ARHGAP10: variants seen among roughly 807,000 people sequenced by gnomAD.
ARHGAP10 encodes Rho GTPase activating protein 10, also known as rho GTPase-activating protein 10.
In ARHGAP10, 87 loss-of-function variants were observed where a neutral mutation model predicts 108.6. That is an observed-to-expected ratio of 0.80 (90% CI 0.67 to 0.96). The LOEUF (loss-of-function observed/expected upper bound fraction) is 0.96, where lower values mean the gene tolerates loss of function less well. Ranked by LOEUF, ARHGAP10 falls within the 40% of genes least tolerant of loss-of-function variation. The pLI, the probability that ARHGAP10 is intolerant of heterozygous loss-of-function variation, is 0.00. For synonymous variants in ARHGAP10, 347 were observed against 341.1 expected (o/e 1.02, Z -0.19); for missense variants, 939 against 954.5 (o/e 0.98, Z 0.21).
At chr4:147,944,830 C>A (rs1738309402) in intron 14 of ARHGAP10, among the ~76,000 whole-genome samples, 2 of 152,106 alleles carry the variant, frequency 1.3e-5, no homozygotes. Flanking sequence ...GGCTCAATAT[C>A]ATTCGTCGTA....
At chr4:147,960,033 A>T (rs1034650127) in intron 16 of ARHGAP10, among the ~76,000 whole-genome samples, 1 of 152,140 alleles carries the variant, frequency 6.6e-6, no homozygotes, top group Admixed American at 6.5e-5. Context: ...TGGAATTTCT[A>T]CTATTTTGCA....
At chr4:147,947,630 T>G (rs1738437866) in intron 15 of ARHGAP10, among the ~76,000 whole-genome samples, 1 of 151,788 alleles carries the variant, frequency 6.6e-6, no homozygotes, top group Non-Finnish European at 1.5e-5. Context: ...CTCAAACTCC[T>G]GACCTCAAGT....
chr4:147,952,845 G>T (rs1738656267), intron 15 of ARHGAP10, among the ~76,000 whole-genome samples: 1 of 151,906 alleles, frequency 6.6e-6, no homozygotes, highest in African/African-American at 2.4e-5. Flanking sequence ...GGTCACAAAG[G>T]TTTTCTTTTT....
rs59663731 is a variant in ARHGAP10, at chr4:147,912,548, AATATATATATATATATATATATATATAT to A, written c.1163-502_1163-475del. ...AAAACAAAAAACAAACAAACAAACAAATATATATATATATATATATATATATATATATATATATATATATATATATAAA... is the reference window on the plus strand; with the variant it reads ...AAAACAAAAAACAAACAAACAAACAAATATATATATATATATATATATAAA... On this transcript the variant is annotated intron_variant, in intron 12 of 22. Transcript: ENST00000336498. Among the ~76,000 whole-genome samples, 348 of 120,340 alleles carry A rather than the reference AATATATATATATATATATATATATATAT, an allele frequency of 2.9e-3. 10 individuals are homozygous for A. Among genetic ancestry groups the A allele is most frequent in the African/African-American group, 0.012 (311 of 26,494 alleles). 78.9% of individuals were successfully genotyped at this position (120,340 alleles called of 152,430 possible). A position where few individuals can be genotyped will look rare whatever the true frequency, so the allele number is the denominator to read the frequency against.
chr4:148,037,798 G>A (rs1728445687), intron 19 of ARHGAP10, among the ~76,000 whole-genome samples: 1 of 150,736 alleles, frequency 6.6e-6, no homozygotes, highest in Admixed American at 6.6e-5. Context: ...TCACGCCACT[G>A]CTCTCCAGCC....
chr4:147,754,260 CA>C (rs1442817810), intron 1 of ARHGAP10, among the ~76,000 whole-genome samples: 1 of 152,190 alleles, frequency 6.6e-6, no homozygotes, highest in Admixed American at 6.5e-5. Flanking sequence ...TTCCAGGTGT[CA>C]TTTACATAAG....
chr4:147,775,861 A>T (rs74790012), intron 1 of ARHGAP10, among the ~76,000 whole-genome samples: 4 of 152,178 alleles, frequency 2.6e-5, no homozygotes, highest in African/African-American at 9.7e-5. Context: ...TGCTTACTAT[A>T]TACCAGATAT....
chr4:147,786,169 T>C (rs991056885), intron 1 of ARHGAP10, among the ~76,000 whole-genome samples: 2 of 152,116 alleles, frequency 1.3e-5, no homozygotes, highest in Non-Finnish European at 2.9e-5. Context: ...TGAAGTAGGT[T>C]ATTAAGAGGA....
At chr4:148,017,374 T>TA (rs778535199) in intron 18 of ARHGAP10, among the ~76,000 whole-genome samples, 226 of 152,204 alleles carry the variant, frequency 1.5e-3, no homozygotes, top group Non-Finnish European at 2.6e-3. Context: ...ATCAAATCAT[T>TA]ATACATCAAA....
intron 18 of ARHGAP10, among the ~76,000 whole-genome samples, chr4:147,978,565 G>T (rs1739688859): frequency 1.3e-5 from 2 of 152,052 alleles, no homozygotes; most frequent in Non-Finnish European, 2.9e-5. Context: ...TTCCCCCCTT[G>T]CTTGCTCACT....
Position 148,056,631 on chromosome 4 carries a change from C to T in ARHGAP10, c.2028-6517C>T, listed in dbSNP as rs1729376075. Among the ~76,000 whole-genome samples, 3 of 143,830 alleles carry T rather than the reference C, an allele frequency of 2.1e-5. No individual in the cohort carries two copies. In the East Asian group the frequency reaches 6.8e-4, roughly 33 times the overall value. The allele number at this position is 143,830 out of a possible 152,430, so 94.4% of individuals were successfully genotyped here. A position where few individuals can be genotyped will look rare whatever the true frequency, so the allele number is the denominator to read the frequency against. ...AAAAATAATGAAATTAGTGTTGATA[C>T]AGTACTGTTAACTAAACCACAGACT... On this transcript the variant is annotated intron_variant, in intron 20 of 22. Coordinates refer to ENST00000336498, the MANE Select transcript of ARHGAP10 (RefSeq NM_024605.4).
At chr4:148,049,462 C>CA (rs1311363767) in intron 20 of ARHGAP10, among the ~76,000 whole-genome samples, 3 of 152,208 alleles carry the variant, frequency 2.0e-5, no homozygotes, top group African/African-American at 4.8e-5. Context: ...GCTGTCCTCC[C>CA]AGTAGCCGGT....
chr4:147,930,426 T>C (rs1334538042), intron 13 of ARHGAP10, among the ~76,000 whole-genome samples: 2 of 152,212 alleles, frequency 1.3e-5, no homozygotes, highest in Admixed American at 1.3e-4. Flanking sequence ...GTTGAGGTAT[T>C]AAGAATATGG....
intron 1 of ARHGAP10, among the ~76,000 whole-genome samples, chr4:147,742,444 C>T (rs1423682091): frequency 1.3e-5 from 2 of 149,770 alleles, no homozygotes; most frequent in Non-Finnish European, 3.0e-5. Flanking sequence ...TGTGGCTTTA[C>T]CCATAGTTAC....
At chr4:148,065,250 A>G (rs1196381743) in intron 22 of ARHGAP10, 1 of 152,252 alleles carries the variant, frequency 6.6e-6, no homozygotes, top group African/African-American at 2.4e-5. Flanking sequence ...GGGAAGCAGT[A>G]GGAACCTTAG....
At chr4:147,865,754 A>G (rs1353281648) in intron 6 of ARHGAP10, 1 of 152,242 alleles carries the variant, frequency 6.6e-6, no homozygotes, top group Non-Finnish European at 1.5e-5. Flanking sequence ...AAAAATGAGC[A>G]TTTGTGGAGC....
At chr4:148,015,736 G>A (rs928210251) in intron 18 of ARHGAP10, among the ~76,000 whole-genome samples, 2 of 152,170 alleles carry the variant, frequency 1.3e-5, no homozygotes, top group Non-Finnish European at 2.9e-5. Flanking sequence ...CAACCCCAAG[G>A]TGATCAGGGT....
intron 16 of ARHGAP10, among the ~76,000 whole-genome samples, chr4:147,958,624 C>T (rs1386326027): frequency 6.6e-6 from 1 of 152,182 alleles, no homozygotes; most frequent in Non-Finnish European, 1.5e-5. Flanking sequence ...TCCCTCTTAG[C>T]TTGATGTATT....
At chr4:147,816,566 A>G (rs571962546) in intron 1 of ARHGAP10, among the ~76,000 whole-genome samples, 5 of 152,334 alleles carry the variant, frequency 3.3e-5, no homozygotes, top group South Asian at 2.1e-4. Flanking sequence ...GCCAGAGACA[A>G]TGTTGGCCCA....
Sources: gnomAD v4.1 joint callset for allele counts (sites outside exome capture counted in the v4.1 genomes callset) on GRCh38, gnomAD v4.1.1 for gene constraint, MANE v1.5 for transcripts, NCBI Gene and HGNC (gene_info 2026-07-23, HGNC 2026-07-21) for gene names.